Variants in ZP2 observed in about 807,000 individuals in gnomAD.
The protein encoded by ZP2 is zona pellucida sperm-binding protein 2.
A neutral mutation model predicts 84.0 loss-of-function variants in ZP2; 51 were observed. The ratio of observed to expected loss-of-function variants is 0.61; its 90% CI spans 0.49 to 0.77. The LOEUF (loss-of-function observed/expected upper bound fraction) is 0.77, where lower values mean the gene tolerates loss of function less well. Ranked by LOEUF, ZP2 falls within the 30% of genes least tolerant of loss-of-function variation. ZP2 has a pLI of 0.00. For missense variants in ZP2, 909 were observed against 911.9 expected (o/e 1.00, Z 0.04); for synonymous variants, 375 against 330.9 (o/e 1.13, Z -1.45).
Position 21,199,632 on chromosome 16 carries a change from C to A in ZP2, c.1865G>T (p.Arg622Leu). The stretch of plus-strand genomic sequence containing the variant: ...ACACAGTGGGGAGTCAGGGGAGAGT[C>A]GATTACAGATTAAGGCACTGCAGTG... ...YFHCSALICNRLSPDSPLCSV... is the reference protein window; with the variant it reads ...YFHCSALICNLLSPDSPLCSV... The change falls in exon 16 of 19, where the codon CGA becomes CTA. Residue 622 changes from arginine to leucine, a missense_variant. Coordinates refer to ENST00000574091, the MANE Select transcript of ZP2 (RefSeq NM_001376232.1). 5 of 1,613,668 alleles carry A rather than the reference C, an allele frequency of 3.1e-6. No individual in the cohort carries two copies. The South Asian group carries it at 4.4e-5, about 14-fold the overall frequency.
chr16:21,206,821 C>T lies in ZP2; in HGVS notation c.483+17G>A, dbSNP rs1315759241. 7.4e-6 allele frequency: 12 copies of T among 1,613,888 alleles called. No homozygotes were observed. Among genetic ancestry groups the T allele is most frequent in the Admixed American group, 3.3e-5 (2 of 59,992 alleles). On this transcript the variant is annotated intron_variant, in intron 5 of 18. Coordinates refer to ENST00000574091, the MANE Select transcript of ZP2 (RefSeq NM_001376232.1). ...GCAGTAGCCATATACCCCGAGCAGT[C>T]AGCCCGTTTCACTCACAGACATGAA...
intron 10 of ZP2, among the ~76,000 whole-genome samples, chr16:21,202,556 A>T (rs977834625): frequency 1.3e-5 from 2 of 152,234 alleles, no homozygotes; most frequent in African/African-American, 4.8e-5. Flanking sequence ...GTATAAGACC[A>T]GTGAGAATCC....
upstream of ZP2, chr16:21,214,358 A>T (rs1396238316): frequency 2.1e-5 from 18 of 850,876 alleles, no homozygotes; most frequent in Non-Finnish European, 2.4e-5. Flanking sequence ...CTTTGAACAC[A>T]GGAAGAAATA....
At chr16:21,211,282 G>T (rs765779432) in intron 2 of ZP2, 25 bp downstream of exon 2, 4 of 1,606,750 alleles carry the variant, frequency 2.5e-6, no homozygotes, top group Non-Finnish European at 3.4e-6. Context: ...CTGCTAAGAA[G>T]ACTTCTGTCA....
chr16:21,211,504 C>T lies in ZP2; in HGVS notation c.44G>A (p.Trp15Ter). Residue 15 changes from tryptophan (W) to a stop codon, truncating the protein, a stop_gained, in exon 1 of 19, where the codon TGG (tryptophan) becomes TAG (stop). Coordinates refer to ENST00000574091, the MANE Select transcript of ZP2 (RefSeq NM_001376232.1). LOFTEE classifies it high-confidence loss of function. The part of the protein sequence containing the change: ...QRGGSWSPSG[W>*]FNAGWSTYRS... ...TACTCACCTCCAGCCTGCATTGAACCAGCCTGAGGGACTCCAAGAGCCTCC... is the reference window on the plus strand; with the variant it reads ...TACTCACCTCCAGCCTGCATTGAACTAGCCTGAGGGACTCCAAGAGCCTCC... 1.2e-6 allele frequency: 2 copies of T among 1,614,192 alleles called. No homozygotes were observed. The highest frequency in any genetic ancestry group is 1.7e-6 in the Non-Finnish European group (2 of 1,180,032).
At position 21,198,768 on chromosome 16, in the gene ZP2, T is replaced by C; in HGVS notation, c.2011+11A>G. 1 of 1,613,320 alleles carries C rather than the reference T, an allele frequency of 6.2e-7. No individual in the cohort carries two copies. The highest frequency in any genetic ancestry group is 8.5e-7 in the Non-Finnish European group (1 of 1,179,434). On this transcript the variant is annotated intron_variant, in intron 17 of 18. Transcript: ENST00000574091. The stretch of plus-strand genomic sequence containing the variant: ...TGAATCCAGGAAGTACTCCAGGCTT[T>C]AGGTCCATACCTCTGAATGAGGAGT...
chr16:21,206,330 A>G (rs747428163), intron 5 of ZP2, among the ~76,000 whole-genome samples: 1 of 152,170 alleles, frequency 6.6e-6, no homozygotes, highest in Non-Finnish European at 1.5e-5. Flanking sequence ...CCCTTTCACC[A>G]ATGTCCATAG....
Position 21,199,633 on chromosome 16 carries a change from G to T in ZP2, c.1864C>A (p.Arg622=). 1.9e-6 allele frequency: 3 copies of T among 1,613,732 alleles called. No homozygotes were observed. Among genetic ancestry groups the T allele is most frequent in the South Asian group, 2.2e-5 (2 of 90,912 alleles). ...CACAGTGGGGAGTCAGGGGAGAGTC[G>T]ATTACAGATTAAGGCACTGCAGTGG... is the stretch of plus-strand genomic sequence containing the variant. ...YFHCSALICN[R]LSPDSPLCSV... is the part of the protein sequence containing the mutation. Residue 622 remains arginine (R), a synonymous_variant, in exon 16 of 19, where the codon CGA becomes AGA. Transcript: ENST00000574091.
At chr16:21,207,760 G>C (rs1233790107) in intron 4 of ZP2, among the ~76,000 whole-genome samples, 1 of 152,096 alleles carries the variant, frequency 6.6e-6, no homozygotes, top group Non-Finnish European at 1.5e-5. Context: ...TGAGACATAG[G>C]GTAGGGGATT....
chr16:21,199,261 A>G (rs2152854450), intron 16 of ZP2, among the ~76,000 whole-genome samples: 1 of 146,090 alleles, frequency 6.8e-6, no homozygotes, highest in East Asian at 2.1e-4. Context: ...CTGGAGGTGG[A>G]ATGAGCCAAG....
rs200053919 is a variant in ZP2, at chr16:21,198,874, T to C, written c.1928-12A>G. On this transcript the variant is annotated splice_polypyrimidine_tract_variant and intron_variant, in intron 16 of 18. Coordinates refer to ENST00000574091, the MANE Select transcript of ZP2 (RefSeq NM_001376232.1). ...AGTGGCCCCTGTGGCTGGAGACAGA[T>C]GATCAAGTTTGTGTTTGGCCTCTGG... 5.9e-5 allele frequency: 95 copies of C among 1,612,702 alleles called. No individual in the cohort carries two copies. In the South Asian group the frequency reaches 7.2e-4, roughly 12 times the overall value.
chr16:21,204,039 G>C lies in ZP2; in HGVS notation c.963C>G (p.Leu321=), dbSNP rs1212895167. 6.2e-7 allele frequency: 1 copy of C among 1,613,228 alleles called. No homozygotes were observed. Among genetic ancestry groups the C allele is most frequent in the African/African-American group, 1.3e-5 (1 of 74,920 alleles). The change falls in exon 9 of 19, where the codon CTC becomes CTG. Residue 321 remains leucine (L), a synonymous_variant. Transcript: ENST00000574091. ...GMKLHFSKTL[L]KTKLSEKCLL... ...TGACAATTGAACATACTTTCGTTTT[G>C]AGCAGAGTTTTGCTGAAATGCAATT...
At position 21,209,825 on chromosome 16, in the gene ZP2, C is replaced by T. The variant is rs1459682646; in HGVS notation, c.236-100G>A. 4 of 1,058,150 alleles carry T rather than the reference C, an allele frequency of 3.8e-6. No individual in the cohort carries two copies. In the South Asian group the frequency reaches 4.0e-5, roughly 11 times the overall value. The allele number at this position is 1,058,150 out of a possible 1,614,324, so 65.5% of individuals were successfully genotyped here. On this transcript the variant is annotated intron_variant, in intron 3 of 18. Coordinates refer to ENST00000574091, the MANE Select transcript of ZP2 (RefSeq NM_001376232.1). ...CCACCAGTCCATTTCTAAGGTACTT[C>T]AGTCCCTTCACTTCCGCCCCAACTC...
At chr16:21,213,291 C>T (rs925445210), upstream of ZP2, among the ~76,000 whole-genome samples, 4 of 152,122 alleles carry the variant, frequency 2.6e-5, no homozygotes, top group Admixed American at 1.3e-4. Flanking sequence ...GTGATCCAAC[C>T]GTGTCAGCCT....
chr16:21,197,464 T>C lies in ZP2; in HGVS notation c.*16A>G. On this transcript the variant is annotated 3_prime_UTR_variant, in exon 19 of 19. Coordinates refer to ENST00000574091, the MANE Select transcript of ZP2 (RefSeq NM_001376232.1). ...AGGCAAGAGGCTTATTTTGACTGCT[T>C]TATTTAGAAGCCCATTTAGTGATTT... 1 of 1,613,818 alleles carries C rather than the reference T, an allele frequency of 6.2e-7. No homozygotes were observed. The highest frequency in any genetic ancestry group is 8.5e-7 in the Non-Finnish European group (1 of 1,179,800).
intron 4 of ZP2, among the ~76,000 whole-genome samples, chr16:21,209,314 T>G (rs2093263869): frequency 6.6e-6 from 1 of 152,126 alleles, no homozygotes; most frequent in Non-Finnish European, 1.5e-5. Context: ...ATTACAGGTG[T>G]GTGCTACCAC....
chr16:21,198,650 G>A (rs2093210579), intron 17 of ZP2, 129 bp downstream of exon 17: 4 of 712,468 alleles, frequency 5.6e-6, no homozygotes, highest in Non-Finnish European at 4.6e-6. Context: ...CTTCTGGGAA[G>A]AGACTTAGTC....
chr16:21,212,834 A>C (rs1432262853), upstream of ZP2, among the ~76,000 whole-genome samples: 1 of 152,198 alleles, frequency 6.6e-6, no homozygotes, highest in East Asian at 1.9e-4. Flanking sequence ...TGCCCCAACA[A>C]TGTCAGGGAC....
chr16:21,201,819 T>G lies in ZP2; in HGVS notation c.1391A>C (p.Lys464Thr), dbSNP rs775346284. The change falls in exon 13 of 19, where the codon AAG (lysine) becomes ACG (threonine). Residue 464 changes from lysine to threonine, a missense_variant. Physicochemically the swap from Lys to Thr is moderately conservative, Grantham distance 78. Transcript: ENST00000574091. ...CATGTCATTCCTGCTATAAGAACAC[T>G]TCACTGTCATTCTGTAAGAGTTTGG... ...SRDSEFRMTV[K>T]CSYSRNDMLL... The G allele has an allele frequency of 2.5e-6, 4 of 1,614,142 alleles. No individual in the cohort carries two copies. The South Asian group carries it at 4.4e-5, about 18-fold the overall frequency.
Sources: gnomAD v4.1 joint callset for allele counts (sites outside exome capture counted in the v4.1 genomes callset) on GRCh38, gnomAD v4.1.1 for gene constraint, MANE v1.5 for transcripts, NCBI Gene and HGNC (gene_info 2026-07-23, HGNC 2026-07-21) for gene names.